Variants in SGCZ observed in about 807,000 individuals in gnomAD.
SGCZ encodes the protein zeta-sarcoglycan.
SGCZ carries 40 observed loss-of-function variants against 41.3 expected under a neutral mutation model. The ratio of observed to expected loss-of-function variants is 0.97; its 90% CI spans 0.75 to 1.26. SGCZ has a LOEUF of 1.26. Ranked by LOEUF, SGCZ falls within the 50% of genes most tolerant of loss-of-function variation. The probability of loss-of-function intolerance (pLI) is 0.00; values close to 1 mark genes in which losing one functional copy is unlikely to be tolerated. For synonymous variants in SGCZ, 206 were observed against 137.5 expected (o/e 1.50, Z -3.49); for missense variants, 552 against 369.8 (o/e 1.49, Z -4.04).
intron 1 of SGCZ, among the ~76,000 whole-genome samples, chr8:15,014,299 G>T (rs1245980311): frequency 6.6e-6 from 1 of 152,170 alleles, no homozygotes; most frequent in African/African-American, 2.4e-5. Flanking sequence ...GCTGGGCGTG[G>T]TGTCAGCCCC....
chr8:15,177,926 T>C (rs1365879770), intron 1 of SGCZ, among the ~76,000 whole-genome samples: 1 of 152,156 alleles, frequency 6.6e-6, no homozygotes, highest in Non-Finnish European at 1.5e-5. Context: ...GAACAGCCAT[T>C]GCCCTGTAGG....
intron 1 of SGCZ, among the ~76,000 whole-genome samples, chr8:14,925,857 G>A (rs908450723): frequency 3.8e-5 from 5 of 133,200 alleles, no homozygotes; most frequent in South Asian, 2.5e-4. Context: ...GATACCTTGG[G>A]AATTTAGAAA....
intron 2 of SGCZ, among the ~76,000 whole-genome samples, chr8:14,351,143 T>G (rs1443075938): frequency 1.3e-5 from 2 of 152,158 alleles, no homozygotes; most frequent in Non-Finnish European, 2.9e-5. Flanking sequence ...ACCCAGAAAG[T>G]CTACCTATGA....
chr8:14,895,798 G>A (rs1000259921), intron 1 of SGCZ, among the ~76,000 whole-genome samples: 1 of 152,186 alleles, frequency 6.6e-6, no homozygotes, highest in African/African-American at 2.4e-5. Flanking sequence ...CACTGGAATA[G>A]CCTAAGAAGC....
At chr8:14,945,446 T>C (rs1800410822) in intron 1 of SGCZ, among the ~76,000 whole-genome samples, 1 of 152,162 alleles carries the variant, frequency 6.6e-6, no homozygotes, top group Admixed American at 6.5e-5. Context: ...GCAGTCATTC[T>C]AAGCACTATC....
intron 1 of SGCZ, among the ~76,000 whole-genome samples, chr8:14,914,828 T>C (rs1033871682): frequency 1.3e-5 from 2 of 152,122 alleles, no homozygotes; most frequent in African/African-American, 4.8e-5. Flanking sequence ...GTGGGAAAGA[T>C]TGTTATGCAG....
intron 4 of SGCZ, among the ~76,000 whole-genome samples, chr8:14,178,572 G>C (rs938341207): frequency 2.6e-5 from 4 of 152,168 alleles, no homozygotes; most frequent in Non-Finnish European, 4.4e-5. Context: ...ATTTTGATAA[G>C]CAAGACTAAT....
intron 1 of SGCZ, among the ~76,000 whole-genome samples, chr8:14,716,392 T>C (rs1193827581): frequency 6.6e-6 from 1 of 152,048 alleles, no homozygotes; most frequent in Non-Finnish European, 1.5e-5. Flanking sequence ...ATGTTTAAAG[T>C]GATATTACAT....
intron 1 of SGCZ, among the ~76,000 whole-genome samples, chr8:15,189,775 T>C (rs974398828): frequency 1.3e-5 from 2 of 152,148 alleles, no homozygotes; most frequent in Non-Finnish European, 1.5e-5. Flanking sequence ...GGTGTTGAAC[T>C]CCTGACCTCA....
intron 6 of SGCZ, among the ~76,000 whole-genome samples, chr8:14,107,671 C>T (rs997235539): frequency 1.4e-4 from 22 of 152,114 alleles, no homozygotes; most frequent in Middle Eastern, 3.4e-3. Flanking sequence ...TGGGGTCTTG[C>T]TGTGTTGCCC....
chr8:14,543,982 C>T (rs548680532), intron 2 of SGCZ, among the ~76,000 whole-genome samples: 6 of 152,088 alleles, frequency 3.9e-5, no homozygotes, highest in South Asian at 2.1e-4. Flanking sequence ...TGGTTACCTA[C>T]CCCAAAGCTT....
chr8:14,835,214 T>G lies in SGCZ; in HGVS notation c.40-280288A>C, dbSNP rs554026587. ...GTAGGAAAGATGGTTAGCCCCTCAGTGCTTGAGCATCTAGACAAAGCCTTA... is the reference window on the plus strand; with the variant it reads ...GTAGGAAAGATGGTTAGCCCCTCAGGGCTTGAGCATCTAGACAAAGCCTTA... On this transcript the variant is annotated intron_variant, in intron 1 of 7. Transcript: ENST00000382080. Among the ~76,000 whole-genome samples the G allele has an allele frequency of 2.0e-5, 3 of 152,304 alleles. No individual in the cohort carries two copies. In the East Asian group the frequency reaches 5.8e-4, roughly 29 times the overall value.
chr8:15,058,522 C>T (rs1804798216), intron 1 of SGCZ, among the ~76,000 whole-genome samples: 1 of 152,162 alleles, frequency 6.6e-6, no homozygotes, highest in South Asian at 2.1e-4. Context: ...TCTTAATTTT[C>T]CATGCACCTT....
intron 2 of SGCZ, among the ~76,000 whole-genome samples, chr8:14,535,699 TC>T (rs1205665021): frequency 1.3e-5 from 2 of 151,920 alleles, no homozygotes; most frequent in Middle Eastern, 3.2e-3. Context: ...ATTCTATCAT[TC>T]CAAGATTTCA....
chr8:14,181,417 C>G (rs1332197491), intron 4 of SGCZ, among the ~76,000 whole-genome samples: 1 of 152,192 alleles, frequency 6.6e-6, no homozygotes, highest in Admixed American at 6.5e-5. Context: ...ACAACTCAGA[C>G]TCACTGGGGA....
chr8:15,086,565 C>A (rs1227714754), intron 1 of SGCZ, among the ~76,000 whole-genome samples: 1 of 152,056 alleles, frequency 6.6e-6, no homozygotes, highest in Non-Finnish European at 1.5e-5. Flanking sequence ...AGCTAATTGA[C>A]CTGACTTGAT....
At chr8:14,389,488 A>T (rs2117213210) in intron 2 of SGCZ, among the ~76,000 whole-genome samples, 1 of 151,808 alleles carries the variant, frequency 6.6e-6, no homozygotes, top group Admixed American at 6.6e-5. Context: ...AAAAAAAAAA[A>T]AATAGGCTAA....
intron 1 of SGCZ, among the ~76,000 whole-genome samples, chr8:14,914,941 A>AC (rs1200183710): frequency 6.6e-6 from 1 of 152,028 alleles, no homozygotes; most frequent in African/African-American, 2.4e-5. Context: ...CACTGCAAAA[A>AC]CCCTTGCAAG....
At chr8:14,942,519 T>A (rs1203740802) in intron 1 of SGCZ, among the ~76,000 whole-genome samples, 2 of 152,172 alleles carry the variant, frequency 1.3e-5, no homozygotes, top group Admixed American at 1.3e-4. Context: ...CCTTGGCATC[T>A]AAATAATCTT....
Sources: allele counts gnomAD v4.1 joint callset (sites outside exome capture counted in the v4.1 genomes callset), GRCh38; gene constraint gnomAD v4.1.1; transcripts MANE v1.5; gene names NCBI Gene and HGNC (gene_info 2026-07-23, HGNC 2026-07-21).